Variants in ATP6V1E1 observed in about 807,000 individuals in gnomAD.
The protein encoded by ATP6V1E1 is ATPase H+ transporting V1 subunit E1.
ATP6V1E1 carries 21 observed loss-of-function variants against 35.2 expected under a neutral mutation model. The ratio of observed to expected loss-of-function variants is 0.60; its 90% CI spans 0.42 to 0.86. The LOEUF is 0.86. Ranked by LOEUF, ATP6V1E1 falls within the 40% of genes least tolerant of loss-of-function variation. The probability of loss-of-function intolerance (pLI) is 0.00; values close to 1 mark genes in which losing one functional copy is unlikely to be tolerated. For synonymous variants in ATP6V1E1, 83 were observed against 87.8 expected (o/e 0.95, Z 0.30); for missense variants, 183 against 272.6 (o/e 0.67, Z 2.32).
intron 6 of ATP6V1E1, 56 bp downstream of exon 6, chr22:17,599,971 A>G (rs1246636363): frequency 3.6e-6 from 4 of 1,114,278 alleles, no homozygotes; most frequent in African/African-American, 3.8e-5. Context: ...GAGAGAGGGG[A>G]AGGAAGAAAG....
intron 4 of ATP6V1E1, among the ~76,000 whole-genome samples, chr22:17,605,731 T>C (rs2057783792): frequency 7.2e-6 from 1 of 139,436 alleles, no homozygotes; most frequent in Non-Finnish European, 1.5e-5. Context: ...AGGGCATTGC[T>C]CTGTCATCCA....
intron 1 of ATP6V1E1, among the ~76,000 whole-genome samples, chr22:17,627,231 C>T (rs2057915128): frequency 6.6e-6 from 1 of 150,996 alleles, no homozygotes; most frequent in Admixed American, 6.6e-5. Flanking sequence ...GGGTTCACGC[C>T]ATTCTCCTGC....
Position 17,622,951 on chromosome 22 carries a change from A to G in ATP6V1E1, c.34-3425T>C, listed in dbSNP as rs1321616582. Among the ~76,000 whole-genome samples the G allele has an allele frequency of 4.6e-5, 7 of 152,286 alleles. No individual in the cohort carries two copies. In the East Asian group the frequency reaches 1.4e-3, roughly 29 times the overall value. On this transcript the variant is annotated intron_variant, in intron 1 of 8. Transcript: ENST00000253413. ...ACTGCACTCCAGCCTGGGCAAGAAG[A>G]GCGAAACTCCGTCTCAAAAAAAACA... is the stretch of plus-strand genomic sequence containing the variant.
chr22:17,627,108 G>T (rs1166126179), intron 1 of ATP6V1E1, among the ~76,000 whole-genome samples: 1 of 152,026 alleles, frequency 6.6e-6, no homozygotes, highest in Admixed American at 6.6e-5. Context: ...TCCTGCCTCT[G>T]CCTCCTGAGT....
At chr22:17,607,725 C>T (rs1209271040) in intron 4 of ATP6V1E1, among the ~76,000 whole-genome samples, 1 of 152,184 alleles carries the variant, frequency 6.6e-6, no homozygotes, top group African/African-American at 2.4e-5. Flanking sequence ...GTGTGGTTCT[C>T]AGACTACCTG....
chr22:17,628,619 G>A lies in ATP6V1E1; in HGVS notation c.17C>T (p.Ala6Val). The change falls in exon 1 of 9, where the codon GCT becomes GTT. Residue 6 changes from alanine to valine, a missense_variant. Transcript: ENST00000253413. The part of the protein sequence containing the change: MALSD[A>V]DVQKQIKHMM... ...GCCCCTCACCTGCTTTTGCACGTCA[G>A]CATCGCTGAGAGCCATGGCGAGAGC... is the stretch of plus-strand genomic sequence containing the variant. 2 of 1,614,198 alleles carry A rather than the reference G, an allele frequency of 1.2e-6. No homozygotes were observed. Among genetic ancestry groups the A allele is most frequent in the Non-Finnish European group, 1.7e-6 (2 of 1,180,044 alleles).
rs7414 is a variant in ATP6V1E1, at chr22:17,592,287, G to A, written c.*387C>T. ...AACAGTAAAGCGACTACTGCTGGAA[G>A]GAGTGGTGTGCCACATGCGCCTTAA... is the stretch of plus-strand genomic sequence containing the variant. On this transcript the variant is annotated 3_prime_UTR_variant, in exon 9 of 9. Transcript: ENST00000253413. The A allele has an allele frequency of 0.094, 18,808 of 201,048 alleles. 1,277 individuals are homozygous for A. Among genetic ancestry groups the A allele is most frequent in the African/African-American group, 0.2 (8,483 of 43,264 alleles). The allele number at this position is 201,048 out of a possible 1,614,324, so 12.5% of individuals were successfully genotyped here. A position where few individuals can be genotyped will look rare whatever the true frequency, so the allele number is the denominator to read the frequency against.
chr22:17,593,892 TATG>T (rs1410453872), intron 8 of ATP6V1E1, among the ~76,000 whole-genome samples: 2 of 152,192 alleles, frequency 1.3e-5, no homozygotes, highest in Admixed American at 6.5e-5. Context: ...CCAGCAGCTT[TATG>T]ATAATTCCTT....
At chr22:17,619,003 G>T (rs1051869597) in intron 2 of ATP6V1E1, 3 of 453,138 alleles carry the variant, frequency 6.6e-6, no homozygotes, top group African/African-American at 4.0e-5. Flanking sequence ...GTCTCAAAAT[G>T]AAAGAAGGGG....
chr22:17,613,564 A>C (rs1406330395), intron 2 of ATP6V1E1, among the ~76,000 whole-genome samples: 1 of 152,200 alleles, frequency 6.6e-6, no homozygotes, highest in Non-Finnish European at 1.5e-5. Flanking sequence ...AAGTTACTAA[A>C]GGATATAATT....
chr22:17,594,167 C>G (rs2057719539), intron 8 of ATP6V1E1, among the ~76,000 whole-genome samples: 1 of 151,974 alleles, frequency 6.6e-6, no homozygotes, highest in South Asian at 2.1e-4. Flanking sequence ...GCACTCCAGC[C>G]TGCGCAAAAA....
At chr22:17,611,304 T>C (rs896539631) in intron 4 of ATP6V1E1, among the ~76,000 whole-genome samples, 15 of 152,232 alleles carry the variant, frequency 9.9e-5, no homozygotes, top group African/African-American at 3.6e-4. Flanking sequence ...CTCTTGACTC[T>C]TTCTTTTGTA....
chr22:17,601,070 T>C (rs370828099), intron 5 of ATP6V1E1, 22 bp downstream of exon 5: 2 of 1,599,132 alleles, frequency 1.3e-6, no homozygotes, highest in Middle Eastern at 2.1e-4. Flanking sequence ...CTATCAACAG[T>C]AGATCTGGTC....
chr22:17,613,706 G>C (rs1039746394), intron 2 of ATP6V1E1, among the ~76,000 whole-genome samples: 1 of 152,214 alleles, frequency 6.6e-6, no homozygotes, highest in Non-Finnish European at 1.5e-5. Flanking sequence ...GGTGGCTCAC[G>C]CCTATAATCC....
intron 6 of ATP6V1E1, among the ~76,000 whole-genome samples, chr22:17,598,764 T>C (rs532188797): frequency 2.6e-5 from 4 of 152,290 alleles, no homozygotes; most frequent in Non-Finnish European, 5.9e-5. Flanking sequence ...AACAGTATAA[T>C]AGGTCCTCAA....
chr22:17,604,031 T>C (rs180740023), intron 4 of ATP6V1E1, among the ~76,000 whole-genome samples: 1 of 152,082 alleles, frequency 6.6e-6, no homozygotes, highest in East Asian at 1.9e-4. Context: ...AATTAAGGAG[T>C]TTTAAAAGGC....
In ATP6V1E1 at chr22:17,594,620, CAAA is replaced by C. The variant is rs35683311; in HGVS notation, c.531-7_531-5del. On this transcript the variant is annotated splice_polypyrimidine_tract_variant and splice_region_variant and intron_variant, in intron 7 of 8. Transcript: ENST00000253413. ...ATAGATCTCAACTCCACCAGCTCTG[CAAA>C]AAAAAAAGCACAGGAAATAATCATT... The C allele has an allele frequency of 3.7e-6, 5 of 1,367,126 alleles. No individual in the cohort carries two copies. In the Admixed American group the frequency reaches 7.5e-5, roughly 20 times the overall value. The allele number at this position is 1,367,126 out of a possible 1,614,324, so 84.7% of individuals were successfully genotyped here.
At chr22:17,624,962 T>C (rs1032869757) in intron 1 of ATP6V1E1, among the ~76,000 whole-genome samples, 1 of 152,214 alleles carries the variant, frequency 6.6e-6, no homozygotes, top group Non-Finnish European at 1.5e-5. Context: ...ATTAGCACTG[T>C]GGCCACTAAG....
intron 2 of ATP6V1E1, 70 bp downstream of exon 2, chr22:17,619,391 A>G (rs559076586): frequency 8.9e-6 from 12 of 1,348,256 alleles, no homozygotes; most frequent in Non-Finnish European, 1.2e-5. Flanking sequence ...TTTTACTAAC[A>G]ATATTATTTA....
Sources: allele counts gnomAD v4.1 joint callset (sites outside exome capture counted in the v4.1 genomes callset), GRCh38; gene constraint gnomAD v4.1.1; transcripts MANE v1.5; gene names NCBI Gene and HGNC (gene_info 2026-07-23, HGNC 2026-07-21).